TNS3: variants seen among roughly 807,000 people sequenced by gnomAD.
TNS3 encodes tensin 3.
A neutral mutation model predicts 140.9 loss-of-function variants in TNS3; 45 were observed. The ratio of observed to expected loss-of-function variants is 0.32; its 90% CI spans 0.25 to 0.41. TNS3 has a LOEUF of 0.41. TNS3 is among the 10% of genes least tolerant of loss of function. The pLI is 1.00. For missense variants in TNS3, 1,716 were observed against 1,906.7 expected (o/e 0.90, Z 1.86); for synonymous variants, 815 against 788.4 (o/e 1.03, Z -0.56).
At chr7:47,329,024 C>G (rs1008231750) in intron 20 of TNS3, among the ~76,000 whole-genome samples, 1 of 152,208 alleles carries the variant, frequency 6.6e-6, no homozygotes, top group African/African-American at 2.4e-5. Flanking sequence ...TCTACAAAGC[C>G]CTTTTCAAGT....
chr7:47,400,957 G>A (rs1434416215), intron 13 of TNS3, 43 bp from the exon 14 acceptor site: 10 of 1,610,622 alleles, frequency 6.2e-6, no homozygotes, highest in East Asian at 4.5e-5. Flanking sequence ...CTGCAGCGGG[G>A]GACACACGTT....
chr7:47,470,675 G>T, intron 4 of TNS3: 1 of 984,858 alleles, frequency 1.0e-6, no homozygotes, highest in Non-Finnish European at 1.2e-6. Context: ...GGGCTGATGG[G>T]AATCCAGTGT....
intron 3 of TNS3, among the ~76,000 whole-genome samples, chr7:47,498,814 A>C (rs1416149561): frequency 6.6e-6 from 1 of 152,206 alleles, no homozygotes; most frequent in Non-Finnish European, 1.5e-5. Context: ...CTCTGGTGTA[A>C]AGTGGCGAAC....
chr7:47,414,604 G>C (rs1300695274), intron 11 of TNS3, among the ~76,000 whole-genome samples: 1 of 152,158 alleles, frequency 6.6e-6, no homozygotes. Flanking sequence ...GCTCATCTAA[G>C]TGGGACAGGA....
intron 24 of TNS3, among the ~76,000 whole-genome samples, chr7:47,296,865 G>A (rs2150658529): frequency 6.6e-6 from 1 of 152,176 alleles, no homozygotes; most frequent in East Asian, 1.9e-4. Context: ...CAATGAAATG[G>A]ATTACCTATT....
chr7:47,307,813 T>G (rs1456971712), intron 20 of TNS3, among the ~76,000 whole-genome samples: 1 of 152,238 alleles, frequency 6.6e-6, no homozygotes, highest in Non-Finnish European at 1.5e-5. Flanking sequence ...TTCTTAACAC[T>G]CAGTTGTAAG....
At chr7:47,285,478 C>T (rs954095179) in intron 27 of TNS3, among the ~76,000 whole-genome samples, 1 of 152,188 alleles carries the variant, frequency 6.6e-6, no homozygotes, top group Admixed American at 6.5e-5. Flanking sequence ...CCTGCACATA[C>T]TCTCTTGCCT....
chr7:47,372,920 A>C (rs1267257588), intron 16 of TNS3, among the ~76,000 whole-genome samples: 2 of 152,250 alleles, frequency 1.3e-5, no homozygotes, highest in Non-Finnish European at 2.9e-5. Flanking sequence ...AGTGAATTCC[A>C]AGATAGGACT....
intron 16 of TNS3, among the ~76,000 whole-genome samples, chr7:47,383,685 T>TG (rs1380982611): frequency 6.6e-6 from 1 of 152,194 alleles, no homozygotes; most frequent in African/African-American, 2.4e-5. Context: ...ACAAAGCGTC[T>TG]GGGGACAGAG....
rs550973755 is a variant in TNS3 at position 47,310,319 on chromosome 7, AC to A, written c.2651-5317del. Among the ~76,000 whole-genome samples, 348 of 152,318 alleles carry A rather than the reference AC, an allele frequency of 2.3e-3. 3 individuals carry two copies. Among genetic ancestry groups the A allele is most frequent in the African/African-American group, 7.8e-3 (323 of 41,560 alleles). ...GCAGTCTCTTAGTGGATGCTAAGTA[AC>A]CAAAAACGGCAGTTCAAGATGCACC... is the stretch of plus-strand genomic sequence containing the variant. On this transcript the variant is annotated intron_variant, in intron 20 of 30. Transcript: ENST00000311160.
chr7:47,382,970 C>T (rs1791861181), intron 16 of TNS3, among the ~76,000 whole-genome samples: 2 of 152,130 alleles, frequency 1.3e-5, no homozygotes, highest in Non-Finnish European at 2.9e-5. Flanking sequence ...TTTAGTGCCA[C>T]TCCTATTTGG....
At chr7:47,533,124 T>TATATATATATATATATATATATA (rs56661018) in intron 1 of TNS3, among the ~76,000 whole-genome samples, 3 of 26,976 alleles carry the variant, frequency 1.1e-4, no homozygotes, top group African/African-American at 2.9e-4. Context: ...TATATATATA[T>TATATATATATATATATATATATA]TTTTTTTTTT....
chr7:47,448,476 AT>A (rs71003401), intron 4 of TNS3, among the ~76,000 whole-genome samples: 175 of 129,656 alleles, frequency 1.3e-3, no homozygotes, highest in East Asian at 3.9e-3. Context: ...TGGGAATTCG[AT>A]TTTTTTTTTT....
chr7:47,486,532 G>T (rs1159352628), intron 3 of TNS3, among the ~76,000 whole-genome samples: 1 of 152,118 alleles, frequency 6.6e-6, no homozygotes, highest in Non-Finnish European at 1.5e-5. Context: ...TTCATCCAAG[G>T]TGCACTGGCC....
chr7:47,564,646 A>AAAC lies in TNS3; in HGVS notation c.-265+17404_-265+17405insGTT, dbSNP rs1554357787. On this transcript the variant is annotated intron_variant, in intron 1 of 30. Transcript: ENST00000311160. ...GCAAGACTCCGTCTCAAAAAAAAAA[A>AAAC]AAACAAAAAAAAACAAAAAAAGACT... 7.5e-3 allele frequency among the ~76,000 whole-genome samples: 254 copies of AAAC among 34,084 alleles called. 4 individuals carry two copies. Among genetic ancestry groups the AAAC allele is most frequent in the South Asian group, 0.021 (17 of 804 alleles). 22.4% of individuals were successfully genotyped at this position (34,084 alleles called of 152,430 possible).
chr7:47,402,313 G>A (rs1324833618), intron 13 of TNS3, among the ~76,000 whole-genome samples: 1 of 152,208 alleles, frequency 6.6e-6, no homozygotes, highest in Non-Finnish European at 1.5e-5. Flanking sequence ...ACGGCCTGGC[G>A]CTGGCCAGCG....
intron 20 of TNS3, among the ~76,000 whole-genome samples, chr7:47,315,388 G>A (rs1033935192): frequency 2.0e-5 from 3 of 152,194 alleles, no homozygotes; most frequent in Non-Finnish European, 2.9e-5. Flanking sequence ...CTTGGGAGGC[G>A]CGTGCCCGTC....
chr7:47,522,926 T>TAAAA (rs1584808313), intron 2 of TNS3, among the ~76,000 whole-genome samples: 1 of 41,428 alleles, frequency 2.4e-5, no homozygotes. Flanking sequence ...AGACTCCATC[T>TAAAA]CAAAAAAAAA....
chr7:47,477,268 A>G (rs2151768470), intron 4 of TNS3, among the ~76,000 whole-genome samples: 1 of 152,188 alleles, frequency 6.6e-6, no homozygotes, highest in East Asian at 1.9e-4. Flanking sequence ...ATTTTGACAG[A>G]CCCGGCAGCT....
Sources: gnomAD v4.1 joint callset for allele counts (sites outside exome capture counted in the v4.1 genomes callset) on GRCh38, gnomAD v4.1.1 for gene constraint, MANE v1.5 for transcripts, NCBI Gene and HGNC (gene_info 2026-07-23, HGNC 2026-07-21) for gene names.